Variants in RAB28 observed in about 807,000 individuals in gnomAD.
RAB28 encodes RAB28, member RAS oncogene family.
RAB28 carries 24 observed loss-of-function variants against 31.7 expected under a neutral mutation model. The observed-to-expected ratio is 0.76, with a 90% CI of 0.55 to 1.06. RAB28 has a LOEUF of 1.06. Ranked by LOEUF, RAB28 falls within the 50% of genes least tolerant of loss-of-function variation. The pLI, the probability that RAB28 is intolerant of heterozygous loss-of-function variation, is 0.00. For missense variants in RAB28, 254 were observed against 258.5 expected (o/e 0.98, Z 0.12); for synonymous variants, 100 against 90.4 (o/e 1.11, Z -0.60).
intron 3 of RAB28, 56 bp downstream of exon 3, chr4:13,474,262 G>A (rs1364989507): frequency 3.5e-6 from 4 of 1,134,208 alleles, no homozygotes; most frequent in Admixed American, 1.7e-5. Context: ...AGATTTGCAT[G>A]TGTGCTTGTA....
chr4:13,481,306 T>C (rs1285480931), intron 1 of RAB28, among the ~76,000 whole-genome samples: 1 of 151,982 alleles, frequency 6.6e-6, no homozygotes, highest in Non-Finnish European at 1.5e-5. Context: ...TTAAAGTAAG[T>C]TCTTACTATA....
chr4:13,451,431 G>T (rs1246609660), intron 4 of RAB28, among the ~76,000 whole-genome samples: 3 of 149,134 alleles, frequency 2.0e-5, no homozygotes, highest in Non-Finnish European at 1.5e-5. Context: ...TTTTGTTTTG[G>T]TTTTTTGCTG....
intron 4 of RAB28, among the ~76,000 whole-genome samples, chr4:13,448,956 C>T (rs528578204): frequency 6.6e-6 from 1 of 151,742 alleles, no homozygotes; most frequent in Non-Finnish European, 1.5e-5. Context: ...AATATTAGCT[C>T]CATCTGAAAA....
intron 4 of RAB28, among the ~76,000 whole-genome samples, chr4:13,444,239 G>C (rs913190121): frequency 3.9e-5 from 6 of 152,136 alleles, no homozygotes; most frequent in African/African-American, 1.4e-4. Flanking sequence ...GTGTTAGCCA[G>C]GATGGTCTCG....
At chr4:13,459,660 T>A (rs1715483397) in intron 4 of RAB28, 1 of 705,504 alleles carries the variant, frequency 1.4e-6, no homozygotes, top group African/African-American at 1.9e-5. Flanking sequence ...AGAACCACTC[T>A]TCTCCCTAGT....
intron 2 of RAB28, 51 bp downstream of exon 2, chr4:13,479,379 T>C (rs754742922): frequency 2.2e-5 from 29 of 1,348,630 alleles, no homozygotes; most frequent in Non-Finnish European, 2.8e-5. Flanking sequence ...ATGCCACTTA[T>C]TGTTAAGATT....
chr4:13,382,183 G>A (rs73229642), intron 4 of RAB28, among the ~76,000 whole-genome samples: 4,510 of 152,262 alleles, frequency 0.03, 100 homozygotes, highest in African/African-American at 0.058. Flanking sequence ...TCCATTTTGA[G>A]AGTAAGGGGC....
At chr4:13,446,877 C>A (rs1714725211) in intron 4 of RAB28, among the ~76,000 whole-genome samples, 1 of 152,170 alleles carries the variant, frequency 6.6e-6, no homozygotes, top group East Asian at 1.9e-4. Context: ...AACATCTCCA[C>A]ATATATGCTT....
At chr4:13,461,965 A>T (rs1443699679) in intron 3 of RAB28, among the ~76,000 whole-genome samples, 2 of 152,242 alleles carry the variant, frequency 1.3e-5, no homozygotes, top group African/African-American at 2.4e-5. Context: ...AAAATAACCA[A>T]GGTCATACTG....
intron 4 of RAB28, among the ~76,000 whole-genome samples, chr4:13,454,904 C>T (rs1715214186): frequency 6.6e-6 from 1 of 152,178 alleles, no homozygotes; most frequent in Non-Finnish European, 1.5e-5. Flanking sequence ...GCCCACAGGG[C>T]TATTTCTCAG....
intron 4 of RAB28, among the ~76,000 whole-genome samples, chr4:13,384,887 G>C (rs978480842): frequency 1.3e-5 from 2 of 152,136 alleles, no homozygotes; most frequent in Non-Finnish European, 2.9e-5. Context: ...GACAGAAAAA[G>C]AATTCAGAAT....
rs925195854 is a variant in RAB28 at position 13,484,280 on chromosome 4, A to T, written c.-130T>A. 5 of 705,890 alleles carry T rather than the reference A, an allele frequency of 7.1e-6. No individual in the cohort carries two copies. The highest frequency in any genetic ancestry group is 1.3e-5 in the Non-Finnish European group (5 of 393,030). 43.7% of individuals were successfully genotyped at this position (705,890 alleles called of 1,614,324 possible). ...CCCGCCCCGGTGTCTCCGCGCCGGC[A>T]GGAGGTATTCGAGGAGAATCACTCG... On this transcript the variant is annotated 5_prime_UTR_variant, in exon 1 of 7. Transcript: ENST00000330852.
intron 4 of RAB28, among the ~76,000 whole-genome samples, chr4:13,388,189 G>C (rs1729463616): frequency 6.6e-6 from 1 of 151,958 alleles, no homozygotes; most frequent in African/African-American, 2.4e-5. Flanking sequence ...CTTCCAAATA[G>C]AATAGAAAGC....
At chr4:13,399,119 T>C (rs1169144177) in intron 4 of RAB28, among the ~76,000 whole-genome samples, 1 of 152,194 alleles carries the variant, frequency 6.6e-6, no homozygotes, top group Non-Finnish European at 1.5e-5. Flanking sequence ...GGCACACATC[T>C]AGTAAGTAGT....
rs751163782 is a variant in RAB28, at chr4:13,369,888, A to C, written c.574-1238T>G. 2.5e-6 allele frequency: 4 copies of C among 1,611,892 alleles called. No homozygotes were observed. Among genetic ancestry groups the C allele is most frequent in the Admixed American group, 3.3e-5 (2 of 59,878 alleles). On this transcript the variant is annotated intron_variant, in intron 6 of 6. Transcript: ENST00000330852. ...CTTAATACCTGCACTACTGTACTGAACAGATTCTACTCTGAGTAGAGGTGG... is the reference window on the plus strand; with the variant it reads ...CTTAATACCTGCACTACTGTACTGACCAGATTCTACTCTGAGTAGAGGTGG...
intron 3 of RAB28, 41 bp downstream of exon 3, chr4:13,474,277 G>A: frequency 7.8e-7 from 1 of 1,288,382 alleles, no homozygotes; most frequent in Non-Finnish European, 1.1e-6. Context: ...CTTGTAAGTG[G>A]TATACTTTCA....
intron 4 of RAB28, among the ~76,000 whole-genome samples, chr4:13,454,771 TG>T (rs1328596817): frequency 6.6e-6 from 1 of 152,178 alleles, no homozygotes; most frequent in Non-Finnish European, 1.5e-5. Flanking sequence ...TTATTCTGGC[TG>T]GGGGCATAAG....
intron 3 of RAB28, among the ~76,000 whole-genome samples, chr4:13,472,858 G>T (rs1716183485): frequency 9.5e-6 from 1 of 104,770 alleles, no homozygotes; most frequent in African/African-American, 3.0e-5. Context: ...AAACAAAAAA[G>T]CCATACACAA....
intron 4 of RAB28, among the ~76,000 whole-genome samples, chr4:13,405,502 A>G (rs536465743): frequency 6.6e-6 from 1 of 152,168 alleles, no homozygotes; most frequent in Non-Finnish European, 1.5e-5. Flanking sequence ...CCTAATTGAA[A>G]CTCATAACAT....
Sources: gnomAD v4.1 joint callset for allele counts (sites outside exome capture counted in the v4.1 genomes callset) on GRCh38, gnomAD v4.1.1 for gene constraint, MANE v1.5 for transcripts, NCBI Gene and HGNC (gene_info 2026-07-23, HGNC 2026-07-21) for gene names.